Variants in FAT3 observed in about 807,000 individuals in gnomAD.
The protein encoded by FAT3 is FAT atypical cadherin 3, also known as protocadherin Fat 3.
A neutral mutation model predicts 310.2 loss-of-function variants in FAT3; 95 were observed. The observed-to-expected ratio is 0.31, with a 90% confidence interval of 0.26 to 0.36. The LOEUF is 0.36. Ranked by LOEUF, FAT3 falls within the 10% of genes least tolerant of loss-of-function variation. FAT3 has a pLI of 1.00. For synonymous variants in FAT3, 2,314 were observed against 2,192.9 expected (o/e 1.06, Z -1.54); for missense variants, 5,408 against 5,715.6 (o/e 0.95, Z 1.74).
At chr11:92,574,409 G>A (rs1045601613) in intron 3 of FAT3, among the ~76,000 whole-genome samples, 2 of 152,172 alleles carry the variant, frequency 1.3e-5, no homozygotes, top group African/African-American at 4.8e-5. Context: ...CCTGGCAGCA[G>A]ACTCTAGTGG....
intron 3 of FAT3, among the ~76,000 whole-genome samples, chr11:92,658,392 A>G (rs1181218001): frequency 6.6e-6 from 1 of 152,210 alleles, no homozygotes; most frequent in Non-Finnish European, 1.5e-5. Context: ...TCATGTGAAG[A>G]TGTTAGCTAC....
At chr11:92,769,113 T>G (rs1591708840) in intron 6 of FAT3, among the ~76,000 whole-genome samples, 1 of 152,312 alleles carries the variant, frequency 6.6e-6, no homozygotes, top group Admixed American at 6.5e-5. Context: ...AAGCAAGATT[T>G]TGTTCCAAGC....
chr11:92,787,802 A>G (rs1277872493), intron 7 of FAT3, among the ~76,000 whole-genome samples: 1 of 151,872 alleles, frequency 6.6e-6, no homozygotes, highest in African/African-American at 2.4e-5. Flanking sequence ...ATTTTTGTGC[A>G]TGTGGTTCAA....
In FAT3 at chr11:92,798,689, A is replaced by T. The variant is rs1947243594; in HGVS notation, c.5676A>T (p.Leu1892Phe). Residue 1892 changes from leucine (L) to phenylalanine (F), a missense_variant, in exon 10 of 28, where the codon TTA becomes TTT. Physicochemically the swap from Leu to Phe is conservative, Grantham distance 22. Transcript: ENST00000525166. ...VFTQAVFETI[L>F]LLPTYVGVEV... ...CTCAGGCTGTGTTTGAGACTATCTTACTTCTACCTACCTATGTTGGAGTGG... is the reference window on the plus strand; with the variant it reads ...CTCAGGCTGTGTTTGAGACTATCTTTCTTCTACCTACCTATGTTGGAGTGG... The T allele has an allele frequency of 1.2e-6, 2 of 1,613,764 alleles. No individual in the cohort carries two copies. The highest frequency in any genetic ancestry group is 1.7e-6 in the Non-Finnish European group (2 of 1,179,820).
At chr11:92,443,360 G>A (rs916906864) in intron 2 of FAT3, among the ~76,000 whole-genome samples, 6 of 152,156 alleles carry the variant, frequency 3.9e-5, no homozygotes, top group African/African-American at 1.4e-4. Flanking sequence ...CAGAACTACT[G>A]AGAACATTCC....
rs1206867669 is a variant in FAT3, at chr11:92,831,805, T to C, written c.9665T>C (p.Val3222Ala). 1 of 1,613,640 alleles carries C rather than the reference T, an allele frequency of 6.2e-7. No homozygotes were observed. Among genetic ancestry groups the C allele is most frequent in the Non-Finnish European group, 8.5e-7 (1 of 1,179,802 alleles). ...PGQSLSSLTT[V>A]TITVLDINDN... ...CAGTCCCTGTCCTCTCTCACTACTGTCACCATCACCGTTCTGGACATTAAT... is the reference window on the plus strand; with the variant it reads ...CAGTCCCTGTCCTCTCTCACTACTGCCACCATCACCGTTCTGGACATTAAT... Residue 3222 changes from valine (V) to alanine (A), a missense_variant, in exon 14 of 28, where the codon GTC becomes GCC. Val to Ala is a moderately conservative substitution (Grantham distance 64). Around this residue, in one of 5 missense-constraint regions of FAT3, gnomAD observed 4,588 missense variants for 4,809.8 expected, o/e 0.95. Transcript: ENST00000525166.
At chr11:92,719,229 A>G (rs1944783164) in intron 4 of FAT3, among the ~76,000 whole-genome samples, 1 of 152,166 alleles carries the variant, frequency 6.6e-6, no homozygotes, top group African/African-American at 2.4e-5. Flanking sequence ...GCCAGTTAGC[A>G]TTTCCTCCTC....
chr11:92,433,413 A>G (rs1472240368), intron 2 of FAT3, among the ~76,000 whole-genome samples: 1 of 152,198 alleles, frequency 6.6e-6, no homozygotes, highest in Non-Finnish European at 1.5e-5. Context: ...ACAGTGGGCA[A>G]AGCGTAGTAT....
At chr11:92,342,127 C>T (rs921975929) in intron 1 of FAT3, among the ~76,000 whole-genome samples, 20 of 152,134 alleles carry the variant, frequency 1.3e-4, no homozygotes, top group African/African-American at 4.1e-4. Context: ...CATGTGTAAA[C>T]GTGGTAAGAT....
intron 3 of FAT3, among the ~76,000 whole-genome samples, chr11:92,550,433 C>A (rs929712337): frequency 6.6e-6 from 1 of 152,164 alleles, no homozygotes; most frequent in Non-Finnish European, 1.5e-5. Flanking sequence ...AATATATATA[C>A]TGGCTCAAGA....
At chr11:92,346,558 G>GT (rs1243000363) in intron 1 of FAT3, among the ~76,000 whole-genome samples, 1 of 152,018 alleles carries the variant, frequency 6.6e-6, no homozygotes, top group Non-Finnish European at 1.5e-5. Flanking sequence ...AGTTTTACTC[G>GT]TTTTTTGTTT....
Position 92,891,230 on chromosome 11 carries a change from C to A in FAT3, c.*117C>A. ...ATGAGAAGGGAATACTGTATTTTTC[C>A]ACTAGAAACTTCTTCACAAGTCATA... On this transcript the variant is annotated 3_prime_UTR_variant, in exon 28 of 28. Transcript: ENST00000525166. The A allele has an allele frequency of 1.5e-6, 2 of 1,336,404 alleles. No homozygotes were observed. Among genetic ancestry groups the A allele is most frequent in the Non-Finnish European group, 2.0e-6 (2 of 986,946 alleles). 82.8% of individuals were successfully genotyped at this position (1,336,404 alleles called of 1,614,324 possible).
At chr11:92,775,884 C>T (rs1025473011) in intron 7 of FAT3, among the ~76,000 whole-genome samples, 7 of 152,078 alleles carry the variant, frequency 4.6e-5, no homozygotes, top group South Asian at 4.1e-4. Context: ...ATACTGTTTC[C>T]GGGTATTTTC....
intron 7 of FAT3, among the ~76,000 whole-genome samples, chr11:92,780,086 G>A (rs188748924): frequency 1.3e-5 from 2 of 151,960 alleles, no homozygotes; most frequent in African/African-American, 2.4e-5. Flanking sequence ...CCTTGATTTC[G>A]GCCTTGAGTC....
chr11:92,889,001 C>T (rs7125170), intron 25 of FAT3, among the ~76,000 whole-genome samples, 188 bp from the exon 26 acceptor site: 9,983 of 152,146 alleles, frequency 0.066, 1,121 homozygotes, highest in African/African-American at 0.23. Flanking sequence ...TCCACAAATC[C>T]CGGGACCCTC....
intron 1 of FAT3, among the ~76,000 whole-genome samples, chr11:92,235,914 G>T (rs16917196): frequency 0.2 from 29,845 of 152,112 alleles, 3,649 homozygotes; most frequent in South Asian, 0.38. Flanking sequence ...TGATAAGGGT[G>T]TTATGTACCT....
chr11:92,765,557 C>A (rs772253401), intron 6 of FAT3, among the ~76,000 whole-genome samples: 4 of 152,002 alleles, frequency 2.6e-5, no homozygotes, highest in Admixed American at 2.0e-4. Flanking sequence ...AGCTTGTGGG[C>A]AGAACTGTTC....
chr11:92,366,816 T>G, intron 2 of FAT3: 1 of 533,846 alleles, frequency 1.9e-6, no homozygotes, highest in East Asian at 5.2e-5. Flanking sequence ...TGATCTTCAG[T>G]GAGGTCTGCA....
chr11:92,246,691 G>T (rs1210427519), intron 1 of FAT3, among the ~76,000 whole-genome samples: 1 of 152,110 alleles, frequency 6.6e-6, no homozygotes, highest in Non-Finnish European at 1.5e-5. Context: ...GTGGCAGCAA[G>T]TATGCCAAAT....
Sources: allele counts gnomAD v4.1 joint callset (sites outside exome capture counted in the v4.1 genomes callset), GRCh38; gene constraint gnomAD v4.1.1; regional missense constraint gnomAD v4.1.1; transcripts MANE v1.5; gene names NCBI Gene and HGNC (gene_info 2026-07-23, HGNC 2026-07-21).